DCHS2: variants seen among roughly 807,000 people sequenced by gnomAD.
DCHS2 encodes the protein dachsous cadherin-related 2, also known as protocadherin-23.
In DCHS2, 142 loss-of-function variants were observed where a neutral mutation model predicts 182.4. The observed-to-expected ratio is 0.78, with a 90% confidence interval of 0.68 to 0.89. DCHS2 has a LOEUF of 0.89. Among genes scored for constraint, DCHS2 ranks in the 40% least tolerant of loss-of-function variants. DCHS2 has a pLI of 0.00. For synonymous variants in DCHS2, 1,740 were observed against 1,663.3 expected (o/e 1.05, Z -1.12); for missense variants, 4,319 against 4,198.6 (o/e 1.03, Z -0.79).
rs1735064658 is a variant in DCHS2, at chr4:154,298,582, G to A, written c.5732C>T (p.Pro1911Leu). The A allele has an allele frequency of 6.2e-7, 1 of 1,614,136 alleles. No individual in the cohort carries two copies. Among genetic ancestry groups the A allele is most frequent in the Admixed American group, 1.7e-5 (1 of 60,024 alleles). ...CAGGTGTATTACAGAGCTCCTAGGT[G>A]GATCTCCCAGGTCAGAGCACAGAAT... is the stretch of plus-strand genomic sequence containing the variant. The part of the protein sequence containing the change: ...LVILCSDLGD[P>L]PRSSVIHLQV... The change falls in exon 13 of 20, where the codon CCA becomes CTA. Residue 1911 changes from proline (P) to leucine (L), a missense_variant. Transcript: ENST00000357232.
rs2172036 is a variant in DCHS2, at chr4:154,347,022, T to A, written c.2477-11918A>T. 8.6e-5 allele frequency among the ~76,000 whole-genome samples: 13 copies of A among 151,536 alleles called. No homozygotes were observed. The East Asian group carries it at 1.9e-3, about 22-fold the overall frequency. On this transcript the variant is annotated intron_variant, in intron 3 of 19. Transcript: ENST00000357232. ...AGTTAGAAGACCACTTTAATCAATG[T>A]GATATATTCAGAGGATATAATCATT...
At chr4:154,451,675 A>G (rs1004634274) in intron 1 of DCHS2, among the ~76,000 whole-genome samples, 1 of 152,186 alleles carries the variant, frequency 6.6e-6, no homozygotes, top group Non-Finnish European at 1.5e-5. Context: ...AACACCTATG[A>G]AGGACAGCAG....
chr4:154,269,218 C>T (rs921541792), intron 14 of DCHS2: 1 of 152,198 alleles, frequency 6.6e-6, no homozygotes, highest in African/African-American at 2.4e-5. Context: ...TACCCGCTCT[C>T]AATTCTTCCC....
intron 1 of DCHS2, among the ~76,000 whole-genome samples, chr4:154,399,520 C>T (rs1289174217): frequency 6.6e-6 from 1 of 152,098 alleles, no homozygotes; most frequent in East Asian, 1.9e-4. Flanking sequence ...CCATAGAGGG[C>T]TGGAGGTAAT....
At chr4:154,484,953 T>C (rs1728532635) in intron 1 of DCHS2, among the ~76,000 whole-genome samples, 1 of 152,174 alleles carries the variant, frequency 6.6e-6, no homozygotes, top group Non-Finnish European at 1.5e-5. Context: ...GTGGAATGCA[T>C]CCATGACAGG....
chr4:154,396,765 C>G (rs768407946), intron 1 of DCHS2, among the ~76,000 whole-genome samples: 1 of 152,092 alleles, frequency 6.6e-6, no homozygotes, highest in South Asian at 2.1e-4. Flanking sequence ...TAACAAAATG[C>G]TACTCATAAT....
intron 16 of DCHS2, among the ~76,000 whole-genome samples, chr4:154,253,426 A>G (rs1222989729): frequency 1.3e-5 from 2 of 152,182 alleles, no homozygotes; most frequent in Non-Finnish European, 2.9e-5. Flanking sequence ...TCCATTGAGT[A>G]AGAAGAACAC....
In DCHS2 at chr4:154,298,031, A is replaced by G; in HGVS notation, c.6283T>C (p.Phe2095Leu). The change falls in exon 13 of 20, where the codon TTT (phenylalanine) becomes CTT (leucine). Residue 2095 changes from phenylalanine (F) to leucine (L), a missense_variant. Phe to Leu is a conservative substitution (Grantham distance 22). Transcript: ENST00000357232. ...SIDKYTGEIQ[F>L]QQNPSSEYFP... Reference sequence around the variant, plus strand: ...TATTCTGAAGATGGATTTTGCTGAAATTGAATTTCTCCTGTGTATTTATCA... The same window carrying G: ...TATTCTGAAGATGGATTTTGCTGAAGTTGAATTTCTCCTGTGTATTTATCA... 6.2e-7 allele frequency: 1 copy of G among 1,614,114 alleles called. No individual in the cohort carries two copies. Among genetic ancestry groups the G allele is most frequent in the Non-Finnish European group, 8.5e-7 (1 of 1,180,004 alleles).
At chr4:154,287,337 C>T (rs1001736440) in intron 13 of DCHS2, among the ~76,000 whole-genome samples, 1 of 152,090 alleles carries the variant, frequency 6.6e-6, no homozygotes, top group African/African-American at 2.4e-5. Flanking sequence ...GGTGTGTAAA[C>T]TATTCTTGTT....
chr4:154,292,401 A>G (rs1451786603), intron 13 of DCHS2, among the ~76,000 whole-genome samples: 1 of 152,152 alleles, frequency 6.6e-6, no homozygotes, highest in Non-Finnish European at 1.5e-5. Context: ...ATAAATCTCT[A>G]TGGAATTAGT....
At chr4:154,267,192 G>A (rs1180991902) in intron 14 of DCHS2, among the ~76,000 whole-genome samples, 1 of 152,192 alleles carries the variant, frequency 6.6e-6, no homozygotes, top group Non-Finnish European at 1.5e-5. Context: ...ATTATGATCT[G>A]CATCAATCAA....
At chr4:154,421,468 C>T (rs1209160003) in intron 1 of DCHS2, among the ~76,000 whole-genome samples, 1 of 152,120 alleles carries the variant, frequency 6.6e-6, no homozygotes, top group African/African-American at 2.4e-5. Context: ...GATCCCGGCT[C>T]ACTGCAACCT....
At chr4:154,378,500 GGAAGGAAGGAAGGAAGGAAA>G (rs1159214614) in intron 1 of DCHS2, among the ~76,000 whole-genome samples, 3 of 99,236 alleles carry the variant, frequency 3.0e-5, no homozygotes, top group Non-Finnish European at 4.5e-5. Context: ...AGGGAGGGTG[GGAAGGAAGGAAGGAAGGAAA>G]GAAGGAAGGA....
intron 1 of DCHS2, among the ~76,000 whole-genome samples, chr4:154,470,017 T>C (rs1189871035): frequency 1.3e-5 from 2 of 152,236 alleles, no homozygotes; most frequent in Non-Finnish European, 2.9e-5. Flanking sequence ...TACCATCTTG[T>C]ATCATCAGCT....
In DCHS2 at chr4:154,234,434, C is replaced by T; in HGVS notation, c.*102G>A. 2 of 1,406,320 alleles carry T rather than the reference C, an allele frequency of 1.4e-6. No homozygotes were observed. The highest frequency in any genetic ancestry group is 1.9e-6 in the Non-Finnish European group (2 of 1,068,280). The allele number at this position is 1,406,320 out of a possible 1,614,324, so 87.1% of individuals were successfully genotyped here. A position where few individuals can be genotyped will look rare whatever the true frequency, so the allele number is the denominator to read the frequency against. Reference sequence around the variant, plus strand: ...AACTCTAACTAAATTACATCACTTGCTTTTAGATAAAAATGAGCCCAATCT... The same window carrying T: ...AACTCTAACTAAATTACATCACTTGTTTTTAGATAAAAATGAGCCCAATCT... On this transcript the variant is annotated 3_prime_UTR_variant, in exon 20 of 20. Coordinates refer to ENST00000357232, the MANE Select transcript of DCHS2 (RefSeq NM_001358235.2).
At position 154,483,380 on chromosome 4, in the gene DCHS2, G is replaced by A. The variant is rs1014823312; in HGVS notation, c.2052+5924C>T. On this transcript the variant is annotated intron_variant, in intron 1 of 19. Transcript: ENST00000357232. ...CAGAGAGTGAGATGAGACATAAGAG[G>A]TAGAGTTGTTCTAAGTGATTCCAGA... 2.0e-5 allele frequency among the ~76,000 whole-genome samples: 3 copies of A among 152,088 alleles called. No homozygotes were observed. The East Asian group carries it at 5.8e-4, about 29-fold the overall frequency.
intron 1 of DCHS2, among the ~76,000 whole-genome samples, chr4:154,399,369 G>C (rs950265176): frequency 5.3e-5 from 8 of 152,180 alleles, no homozygotes; most frequent in African/African-American, 1.9e-4. Context: ...TTAAGAGTTA[G>C]AGACAGTTTA....
chr4:154,278,758 G>A (rs1432931676), intron 13 of DCHS2, among the ~76,000 whole-genome samples: 1 of 152,012 alleles, frequency 6.6e-6, no homozygotes, highest in Non-Finnish European at 1.5e-5. Context: ...TAAGAAAACT[G>A]CCAACCAAGA....
At chr4:154,288,606 GATGGAGAA>G (rs1734515732) in intron 13 of DCHS2, among the ~76,000 whole-genome samples, 1 of 152,048 alleles carries the variant, frequency 6.6e-6, no homozygotes, top group South Asian at 2.1e-4. Context: ...CAATGAAATG[GATGGAGAA>G]TACACATTCT....
Sources: allele counts gnomAD v4.1 joint callset (sites outside exome capture counted in the v4.1 genomes callset), GRCh38; gene constraint gnomAD v4.1.1; transcripts MANE v1.5; gene names NCBI Gene and HGNC (gene_info 2026-07-23, HGNC 2026-07-21).